Variants in ROBO2 observed in about 807,000 individuals in gnomAD.
ROBO2 encodes the protein roundabout homolog 2.
ROBO2 carries 53 observed loss-of-function variants against 160.8 expected under a neutral mutation model. The ratio of observed to expected loss-of-function variants is 0.33; its 90% CI spans 0.26 to 0.41. ROBO2 has a LOEUF of 0.41. ROBO2 is among the 10% of genes least tolerant of loss of function. The pLI is 1.00. For missense variants in ROBO2, 1,577 were observed against 1,722.4 expected, an observed-to-expected ratio of 0.92 and a Z score of 1.49; for synonymous variants, 664 against 611.7, an observed-to-expected ratio of 1.09 and a Z score of -1.26.
chr3:76,568,000 A>C (rs903682891), intron 2 of ROBO2, among the ~76,000 whole-genome samples: 1 of 150,830 alleles, frequency 6.6e-6, no homozygotes, highest in Non-Finnish European at 1.5e-5. Context: ...TTTTCAGTAG[A>C]GACGGGATTT....
chr3:76,173,452 C>T (rs189474008), intron 2 of ROBO2, among the ~76,000 whole-genome samples: 13 of 151,908 alleles, frequency 8.6e-5, no homozygotes, highest in South Asian at 2.1e-4. Flanking sequence ...CCTGTCAATC[C>T]GTCATCTAGG....
At chr3:76,520,228 A>G (rs2081536515) in intron 2 of ROBO2, among the ~76,000 whole-genome samples, 1 of 152,138 alleles carries the variant, frequency 6.6e-6, no homozygotes, top group Non-Finnish European at 1.5e-5. Context: ...AGGCAGGCGG[A>G]TCACCTGAGG....
chr3:76,253,295 G>C (rs941616950), intron 2 of ROBO2, among the ~76,000 whole-genome samples: 1 of 151,784 alleles, frequency 6.6e-6, no homozygotes, highest in East Asian at 1.9e-4. Flanking sequence ...TTACTTTTGA[G>C]ACAGGGTTTT....
rs74899705 is a variant in ROBO2, at chr3:77,235,273, A to G, written c.388+136933A>G. ...ATTCAATGCTATTGTTTTTAAATCT[A>G]TAAAATGAAGAATTGCTGCCTGACC... On this transcript the variant is annotated intron_variant, in intron 2 of 25. Transcript: ENST00000461745. 6.9e-3 allele frequency among the ~76,000 whole-genome samples: 1,052 copies of G among 152,310 alleles called. 7 individuals carry two copies. Among genetic ancestry groups the G allele is most frequent in the Middle Eastern group, 0.027 (8 of 292 alleles).
chr3:77,564,327 C>A, intron 11 of ROBO2: 1 of 360,398 alleles, frequency 2.8e-6, no homozygotes, highest in Non-Finnish European at 5.5e-6. Context: ...GGTCCTCACA[C>A]ACAAATTCAG....
At chr3:76,243,025 G>A (rs1375813776) in intron 2 of ROBO2, among the ~76,000 whole-genome samples, 1 of 152,152 alleles carries the variant, frequency 6.6e-6, no homozygotes, top group Non-Finnish European at 1.5e-5. Context: ...GCCTTTACTG[G>A]CTCTTTAAAT....
At chr3:76,322,833 G>A (rs2107910028) in intron 2 of ROBO2, among the ~76,000 whole-genome samples, 1 of 152,088 alleles carries the variant, frequency 6.6e-6, no homozygotes, top group South Asian at 2.1e-4. Flanking sequence ...TCCATATCTT[G>A]CAGATACATT....
intron 2 of ROBO2, among the ~76,000 whole-genome samples, chr3:76,923,650 C>T (rs1559710022): frequency 2.0e-5 from 3 of 152,176 alleles, no homozygotes; most frequent in South Asian, 4.1e-4. Context: ...GAGCAAGTAA[C>T]TATTGGTAAT....
At chr3:76,551,273 G>T (rs1002863007) in intron 2 of ROBO2, among the ~76,000 whole-genome samples, 1 of 152,072 alleles carries the variant, frequency 6.6e-6, no homozygotes, top group Non-Finnish European at 1.5e-5. Context: ...CCTGCCTGAT[G>T]GAACAGAAGG....
chr3:76,462,736 A>T (rs138030814), intron 2 of ROBO2, among the ~76,000 whole-genome samples: 526 of 152,342 alleles, frequency 3.5e-3, no homozygotes, highest in Non-Finnish European at 5.1e-3. Flanking sequence ...AATGTATAAA[A>T]GTGCTATGTA....
intron 2 of ROBO2, among the ~76,000 whole-genome samples, chr3:76,355,056 G>A (rs1341403782): frequency 1.3e-5 from 2 of 151,702 alleles, no homozygotes; most frequent in African/African-American, 2.4e-5. Flanking sequence ...GTGTGTGTGT[G>A]TGTGTATGTA....
intron 2 of ROBO2, among the ~76,000 whole-genome samples, chr3:77,361,722 C>T (rs1193832111): frequency 6.6e-6 from 1 of 152,106 alleles, no homozygotes; most frequent in Non-Finnish European, 1.5e-5. Flanking sequence ...ACCCTTGGCC[C>T]CGACCTCTTA....
intron 2 of ROBO2, among the ~76,000 whole-genome samples, chr3:76,328,897 TA>T (rs2073251084): frequency 1.8e-5 from 2 of 108,248 alleles, no homozygotes; most frequent in Non-Finnish European, 1.8e-5. Context: ...TATATATATA[TA>T]TTTATGTTAT....
chr3:75,920,211 A>C (rs1220325036), intron 1 of ROBO2, among the ~76,000 whole-genome samples: 1 of 152,154 alleles, frequency 6.6e-6, no homozygotes, highest in African/African-American at 2.4e-5. Context: ...TGTGTCCCAG[A>C]TATTCTGGTA....
intron 2 of ROBO2, among the ~76,000 whole-genome samples, chr3:77,384,300 T>C (rs180799416): frequency 2.0e-5 from 3 of 152,280 alleles, no homozygotes. Flanking sequence ...TAGTCCTCAA[T>C]GACTGATGTA....
At position 76,605,106 on chromosome 3, in the gene ROBO2, A is replaced by G. The variant is rs115387821; in HGVS notation, c.110-492908A>G. ...AAGCTTGTAAAAATACTGGAAAAAT[A>G]TATACTGATTAAAATGTTTGTGTGC... On this transcript the variant is annotated intron_variant, in intron 2 of 26. Transcript: ENST00000487694. Among the ~76,000 whole-genome samples, 606 of 152,272 alleles carry G rather than the reference A, an allele frequency of 4.0e-3. 5 individuals carry two copies. The highest frequency in any genetic ancestry group is 0.014 in the African/African-American group (582 of 41,576).
chr3:77,585,269 T>C (rs1468805921), intron 16 of ROBO2, among the ~76,000 whole-genome samples: 13 of 151,072 alleles, frequency 8.6e-5, no homozygotes, highest in African/African-American at 2.9e-4. Flanking sequence ...TATTTCCTTA[T>C]AGGGAAGTAA....
chr3:76,640,647 C>T (rs1429936460), intron 2 of ROBO2, among the ~76,000 whole-genome samples: 7 of 149,388 alleles, frequency 4.7e-5, no homozygotes, highest in African/African-American at 7.4e-5. Context: ...GATGTGTTGG[C>T]TGAGAGAACA....
In ROBO2 at chr3:76,780,180, T is replaced by C. The variant is rs749423650; in HGVS notation, c.110-317834T>C. Among the ~76,000 whole-genome samples the C allele has an allele frequency of 8.0e-5, 12 of 150,880 alleles. No homozygotes were observed. The East Asian group carries it at 2.4e-3, about 30-fold the overall frequency. Reference sequence around the variant, plus strand: ...CACCTTTACATGTTGGGCATTTGTGTGGAGACAGTTTTTTTTTTGTTTGTT... The same window carrying C: ...CACCTTTACATGTTGGGCATTTGTGCGGAGACAGTTTTTTTTTTGTTTGTT... On this transcript the variant is annotated intron_variant, in intron 2 of 26. Coordinates refer to the ROBO2 transcript ENST00000487694.
Sources: allele counts gnomAD v4.1 joint callset (sites outside exome capture counted in the v4.1 genomes callset), GRCh38; gene constraint gnomAD v4.1.1; transcripts MANE v1.5; gene names NCBI Gene and HGNC (gene_info 2026-07-23, HGNC 2026-07-21).